The following REC114 variants were observed in gnomAD, a reference collection of about 807,000 sequenced individuals.
REC114 encodes meiotic recombination protein REC114.
Under a neutral mutation model 31.3 loss-of-function variants are expected in REC114, and 27 were observed. The ratio of observed to expected loss-of-function variants is 0.86; its 90% CI spans 0.64 to 1.19. The LOEUF (loss-of-function observed/expected upper bound fraction) is 1.19. REC114 is among the 50% of genes most tolerant of loss of function. REC114 has a pLI of 0.00. For synonymous variants in REC114, 134 were observed against 127.7 expected (o/e 1.05, Z -0.33); for missense variants, 344 against 326.9 (o/e 1.05, Z -0.40).
chr15:73,531,908 T>G (rs1326417753), intron 2 of REC114, among the ~76,000 whole-genome samples: 1 of 152,064 alleles, frequency 6.6e-6, no homozygotes, highest in Non-Finnish European at 1.5e-5. Flanking sequence ...TACTCTGTCC[T>G]GGACATTAAT....
chr15:73,465,014 C>T (rs1893038278), intron 1 of REC114, among the ~76,000 whole-genome samples: 1 of 152,176 alleles, frequency 6.6e-6, no homozygotes, highest in South Asian at 2.1e-4. Context: ...GCCTCAGCCT[C>T]CTGAGTAGCT....
intron 2 of REC114, among the ~76,000 whole-genome samples, chr15:73,511,881 G>T (rs916737086): frequency 2.7e-5 from 4 of 147,312 alleles, no homozygotes; most frequent in African/African-American, 5.1e-5. Context: ...GTCAACTTTG[G>T]AATAGGTGTG....
At chr15:73,548,989 A>G (rs866415825) in intron 3 of REC114, among the ~76,000 whole-genome samples, 13 of 152,116 alleles carry the variant, frequency 8.5e-5, no homozygotes, top group African/African-American at 2.4e-4. Flanking sequence ...AGAACACATG[A>G]ATACATAGAG....
At chr15:73,522,205 G>A (rs758267277) in intron 2 of REC114, among the ~76,000 whole-genome samples, 1 of 152,102 alleles carries the variant, frequency 6.6e-6, no homozygotes. Context: ...CACTTCTGAG[G>A]CATGGCATGT....
chr15:73,513,767 G>A (rs1595874710), intron 2 of REC114, among the ~76,000 whole-genome samples: 5 of 151,434 alleles, frequency 3.3e-5, no homozygotes, highest in South Asian at 2.1e-4. Flanking sequence ...GGGGGTCAGG[G>A]GTCAGGGACC....
intron 5 of REC114, among the ~76,000 whole-genome samples, chr15:73,556,870 G>A (rs1200758028): frequency 6.6e-6 from 1 of 152,078 alleles, no homozygotes; most frequent in Non-Finnish European, 1.5e-5. Context: ...ACTCAGACTT[G>A]CTTTCAGACA....
At chr15:73,487,504 A>C (rs1243181656) in intron 2 of REC114, among the ~76,000 whole-genome samples, 1 of 152,274 alleles carries the variant, frequency 6.6e-6, no homozygotes, top group African/African-American at 2.4e-5. Context: ...AACAGGTTCC[A>C]AGTAAATCTA....
chr15:73,445,414 C>A (rs1892751304), intron 1 of REC114, among the ~76,000 whole-genome samples: 1 of 152,206 alleles, frequency 6.6e-6, no homozygotes. Flanking sequence ...GGCTATTCCA[C>A]TTATCATTCC....
At chr15:73,524,482 AT>A (rs1386946667) in intron 2 of REC114, among the ~76,000 whole-genome samples, 2 of 152,224 alleles carry the variant, frequency 1.3e-5, no homozygotes, top group Non-Finnish European at 2.9e-5. Flanking sequence ...AGATATCTCA[AT>A]TGGTTCAGCT....
chr15:73,445,980 T>C (rs545690654), intron 1 of REC114, among the ~76,000 whole-genome samples: 5 of 152,328 alleles, frequency 3.3e-5, no homozygotes, highest in African/African-American at 7.2e-5. Flanking sequence ...GCCACAAACC[T>C]TCAATGTGTA....
chr15:73,492,330 G>T (rs1893458491), intron 2 of REC114, among the ~76,000 whole-genome samples: 1 of 152,142 alleles, frequency 6.6e-6, no homozygotes, highest in Non-Finnish European at 1.5e-5. Flanking sequence ...ATATTTATGG[G>T]ACTTGTGCAA....
intron 3 of REC114, among the ~76,000 whole-genome samples, chr15:73,541,791 A>AC (rs11368596): frequency 0.98 from 148,812 of 152,304 alleles, 72,784 homozygotes; most frequent in East Asian, 1. Context: ...AAAAAGTTAT[A>AC]CATGCTGTAT....
At chr15:73,494,911 G>A (rs186475661) in intron 2 of REC114, among the ~76,000 whole-genome samples, 181 of 152,256 alleles carry the variant, frequency 1.2e-3, no homozygotes, top group Non-Finnish European at 1.6e-3. Flanking sequence ...ATAGGGACCC[G>A]AAGGGCTTAT....
chr15:73,559,910 A>AAATT lies in REC114; in HGVS notation c.799_*1dup, dbSNP rs774217686. 6.2e-7 allele frequency: 1 copy of AAATT among 1,610,976 alleles called. No individual in the cohort carries two copies. Among genetic ancestry groups the AAATT allele is most frequent in the South Asian group, 1.1e-5 (1 of 90,666 alleles). ...AACTGAAAAAGCTGGCGGGTTTGAGAAATTAATGCTCTATATACATATATA... is the reference window on the plus strand; with the variant it reads ...AACTGAAAAAGCTGGCGGGTTTGAGAAATTAATTAATGCTCTATATACATATATA... On this transcript the variant is annotated frameshift_variant, in exon 6 of 6. Coordinates refer to ENST00000331090, the MANE Select transcript of REC114 (RefSeq NM_001042367.2). LOFTEE classifies it high-confidence loss of function.
intron 1 of REC114, among the ~76,000 whole-genome samples, chr15:73,448,152 G>C (rs2151249959): frequency 6.6e-6 from 1 of 151,776 alleles, no homozygotes; most frequent in Non-Finnish European, 1.5e-5. Flanking sequence ...AGACAGAACT[G>C]TTCACTCCCC....
intron 3 of REC114, among the ~76,000 whole-genome samples, chr15:73,543,370 T>A (rs752695123): frequency 1.3e-5 from 2 of 152,212 alleles, no homozygotes; most frequent in African/African-American, 4.8e-5. Context: ...TTCACTCTTG[T>A]TGCCCAGGCT....
chr15:73,538,457 T>TTC (rs1894190729), intron 2 of REC114, among the ~76,000 whole-genome samples: 1 of 112,132 alleles, frequency 8.9e-6, no homozygotes, highest in Non-Finnish European at 1.8e-5. Flanking sequence ...TTCTATTTCT[T>TTC]TTTTTTTTTT....
intron 2 of REC114, among the ~76,000 whole-genome samples, chr15:73,488,314 T>C (rs1426348048): frequency 6.6e-6 from 1 of 152,240 alleles, no homozygotes; most frequent in African/African-American, 2.4e-5. Flanking sequence ...TTTTATCAAA[T>C]AGTTGCTTGG....
intron 2 of REC114, among the ~76,000 whole-genome samples, chr15:73,537,908 A>G (rs1463743183): frequency 3.3e-5 from 5 of 152,202 alleles, no homozygotes; most frequent in African/African-American, 1.2e-4. Flanking sequence ...TGTAAAGAAT[A>G]TACATTGTTA....
Sources: allele counts gnomAD v4.1 joint callset (sites outside exome capture counted in the v4.1 genomes callset), GRCh38; gene constraint gnomAD v4.1.1; transcripts MANE v1.5; gene names NCBI Gene and HGNC (gene_info 2026-07-23, HGNC 2026-07-21).